Variants in DCAF4 observed in about 807,000 individuals in gnomAD.
DCAF4 encodes the protein DDB1 and CUL4 associated factor 4.
Under a neutral mutation model 60.9 loss-of-function variants are expected in DCAF4, and 37 were observed. The observed-to-expected ratio is 0.61, with a 90% CI of 0.47 to 0.80. DCAF4 has a LOEUF of 0.80. DCAF4 is among the 30% of genes least tolerant of loss of function. DCAF4 has a pLI of 0.00. For missense variants in DCAF4, 577 were observed against 650.0 expected (o/e 0.89, Z 1.22); for synonymous variants, 243 against 254.8 (o/e 0.95, Z 0.44).
chr14:72,929,828 T>C (rs1888290907), intron 1 of DCAF4: 1 of 1,320,722 alleles, frequency 7.6e-7, no homozygotes, highest in African/African-American at 1.4e-5. Flanking sequence ...TTGGTGCGTT[T>C]GCTCAGACGC....
rs1262214894 is a variant in DCAF4 at position 72,953,717 on chromosome 14, AAAAAAAAAAAAAAAAATATATAT to A, written c.809-445_809-423del. On this transcript the variant is annotated intron_variant, in intron 9 of 13. Transcript: ENST00000358377. ...AGAACAAGACCCTGTCTTAAAAAAA[AAAAAAAAAAAAAAAAATATATAT>A]ATATATATATATATATATATATAGT... Among the ~76,000 whole-genome samples, 6 of 45,768 alleles carry A rather than the reference AAAAAAAAAAAAAAAAATATATAT, an allele frequency of 1.3e-4. 1 individual carries two copies. Among genetic ancestry groups the A allele is most frequent in the African/African-American group, 4.2e-4 (4 of 9,592 alleles). The allele number at this position is 45,768 out of a possible 152,430, so 30.0% of individuals were successfully genotyped here. A position where few individuals can be genotyped will look rare whatever the true frequency, so the allele number is the denominator to read the frequency against.
chr14:72,937,816 C>T, intron 1 of DCAF4, 155 bp from the exon 2 acceptor site: 2 of 809,996 alleles, frequency 2.5e-6, no homozygotes, highest in Non-Finnish European at 3.0e-6. Context: ...GGAGGCAGCC[C>T]TTCCCAGGTA....
At chr14:72,929,360 T>G (rs1387949607) in intron 1 of DCAF4, among the ~76,000 whole-genome samples, 2 of 152,214 alleles carry the variant, frequency 1.3e-5, no homozygotes, top group East Asian at 3.9e-4. Flanking sequence ...ACATATTCTG[T>G]GCACTACATA....
rs1435035177 is a variant in DCAF4, at chr14:72,959,237, C to T, written c.*432C>T. On this transcript the variant is annotated 3_prime_UTR_variant, in exon 14 of 14. Coordinates refer to ENST00000358377, the MANE Select transcript of DCAF4 (RefSeq NM_015604.4). ...AGCAGGAAGAAAGACCTGCATCCTGCATCTGTACTTGGGGAAGCCAGCGGA... is the reference window on the plus strand; with the variant it reads ...AGCAGGAAGAAAGACCTGCATCCTGTATCTGTACTTGGGGAAGCCAGCGGA... The T allele has an allele frequency of 2.0e-6, 2 of 989,338 alleles. No individual in the cohort carries two copies. The highest frequency in any genetic ancestry group is 4.7e-5 in the South Asian group (1 of 21,478). 61.3% of individuals were successfully genotyped at this position (989,338 alleles called of 1,614,324 possible).
At chr14:72,944,599 C>T (rs1890479664) in intron 6 of DCAF4, among the ~76,000 whole-genome samples, 1 of 152,096 alleles carries the variant, frequency 6.6e-6, no homozygotes, top group Non-Finnish European at 1.5e-5. Context: ...TTGAGACCAG[C>T]CTAGGCAACG....
intron 3 of DCAF4, 79 bp downstream of exon 3, chr14:72,939,981 TC>T (rs1889808783): frequency 1.4e-6 from 2 of 1,395,534 alleles, no homozygotes; most frequent in African/African-American, 1.5e-5. Flanking sequence ...TGGAAGGAAT[TC>T]CAGGAGCAAA....
At chr14:72,942,875 TGTGGA>T in intron 5 of DCAF4, 114 bp from the exon 6 acceptor site, 1 of 820,310 alleles carries the variant, frequency 1.2e-6, no homozygotes, top group Non-Finnish European at 1.9e-6. Flanking sequence ...TGAGAAGTAC[TGTGGA>T]GCAGGCTGAC....
At chr14:72,958,503 T>G (rs1892580712) in intron 13 of DCAF4, 109 bp from the exon 14 acceptor site, 2 of 1,300,058 alleles carry the variant, frequency 1.5e-6, no homozygotes, top group East Asian at 4.8e-5. Context: ...GTGTTTTGGC[T>G]CACATGAAAT....
At chr14:72,953,722 A>ATATAT (rs1191484469) in intron 9 of DCAF4, among the ~76,000 whole-genome samples, 1 of 50,192 alleles carries the variant, frequency 2.0e-5, no homozygotes, top group African/African-American at 1.0e-4. Context: ...AAAAAAAAAA[A>ATATAT]AAAAAAAAAA....
At chr14:72,944,595 C>T (rs1234723442) in intron 6 of DCAF4, among the ~76,000 whole-genome samples, 1 of 152,054 alleles carries the variant, frequency 6.6e-6, no homozygotes, top group Non-Finnish European at 1.5e-5. Flanking sequence ...AAGTTTGAGA[C>T]CAGCCTAGGC....
intron 12 of DCAF4, 77 bp from the exon 13 acceptor site, chr14:72,956,309 C>T: frequency 8.5e-7 from 1 of 1,180,986 alleles, no homozygotes; most frequent in Non-Finnish European, 1.2e-6. Context: ...ACCACCTTGC[C>T]TTCCTGGCTT....
chr14:72,958,886 G>A lies in DCAF4; in HGVS notation c.*81G>A, dbSNP rs58705908. The A allele has an allele frequency of 1.9e-5, 28 of 1,498,394 alleles. 1 individual carries two copies. In the South Asian group the frequency reaches 3.4e-4, roughly 18 times the overall value. The allele number at this position is 1,498,394 out of a possible 1,614,324, so 92.8% of individuals were successfully genotyped here. A position where few individuals can be genotyped will look rare whatever the true frequency, so the allele number is the denominator to read the frequency against. On this transcript the variant is annotated 3_prime_UTR_variant, in exon 14 of 14. Transcript: ENST00000358377. ...ACTTTTTACTGCATCTAATGAGGGT[G>A]TTTTAAGTGACACTCAGTGTACACA...
At chr14:72,934,982 A>G (rs1431673478) in intron 1 of DCAF4, 1 of 152,230 alleles carries the variant, frequency 6.6e-6, no homozygotes, top group Non-Finnish European at 1.5e-5. Flanking sequence ...CATGGATGCT[A>G]GGAATAGAAA....
rs1369761317 is a variant in DCAF4 at position 72,941,846 on chromosome 14, A to G, written c.431+22A>G. On this transcript the variant is annotated intron_variant, in intron 5 of 13. Coordinates refer to ENST00000358377, the MANE Select transcript of DCAF4 (RefSeq NM_015604.4). ...GCCAGTAAGACAATGCCTCTTTGTTATGTTTTCTTCATGAATGTTCTTTTC... is the reference window on the plus strand; with the variant it reads ...GCCAGTAAGACAATGCCTCTTTGTTGTGTTTTCTTCATGAATGTTCTTTTC... 2.5e-6 allele frequency: 4 copies of G among 1,609,568 alleles called. No individual in the cohort carries two copies. In the South Asian group the frequency reaches 4.4e-5, roughly 18 times the overall value.
At chr14:72,938,993 C>T (rs1889669972) in intron 2 of DCAF4, among the ~76,000 whole-genome samples, 1 of 152,050 alleles carries the variant, frequency 6.6e-6, no homozygotes, top group African/African-American at 2.4e-5. Context: ...CTCAGCCTCC[C>T]AAAGTGCTGG....
At chr14:72,961,930 G>C, downstream of DCAF4, 1 of 1,144,736 alleles carries the variant, frequency 8.7e-7, no homozygotes, top group Non-Finnish European at 1.1e-6. Flanking sequence ...TGGCTACCGC[G>C]GGAACACCCC....
chr14:72,954,542 G>T lies in DCAF4; in HGVS notation c.1005+59G>T, dbSNP rs962865836. ...TTTGCCCCATGTAGAAATTTGGCCA[G>T]ATTGAAATTGGACTCCTCTGTGTGC... On this transcript the variant is annotated intron_variant, in intron 11 of 13. Transcript: ENST00000358377. 17 of 1,532,100 alleles carry T rather than the reference G, an allele frequency of 1.1e-5. No homozygotes were observed. In the African/African-American group the frequency reaches 2.3e-4, roughly 21 times the overall value. The allele number at this position is 1,532,100 out of a possible 1,614,324, so 94.9% of individuals were successfully genotyped here.
At chr14:72,950,136 G>A (rs755444687) in intron 8 of DCAF4, among the ~76,000 whole-genome samples, 1 of 152,196 alleles carries the variant, frequency 6.6e-6, no homozygotes, top group Non-Finnish European at 1.5e-5. Context: ...GGTCCCAGGG[G>A]GTTGTGATTG....
At position 72,940,178 on chromosome 14, in the gene DCAF4, C is replaced by T. The variant is rs775796928; in HGVS notation, c.194-42C>T. ...GGGCGCCCAACTCAGGTGGTCAGTTCACAGTGGTTGAAATTGGTGCATTTA... is the reference window on the plus strand; with the variant it reads ...GGGCGCCCAACTCAGGTGGTCAGTTTACAGTGGTTGAAATTGGTGCATTTA... On this transcript the variant is annotated intron_variant, in intron 3 of 13. Transcript: ENST00000358377. 7.4e-6 allele frequency: 12 copies of T among 1,612,684 alleles called. No homozygotes were observed. In the South Asian group the frequency reaches 1.2e-4, roughly 16 times the overall value.
Sources: allele counts gnomAD v4.1 joint callset (sites outside exome capture counted in the v4.1 genomes callset), GRCh38; gene constraint gnomAD v4.1.1; transcripts MANE v1.5; gene names NCBI Gene and HGNC (gene_info 2026-07-23, HGNC 2026-07-21).